ALG14: variants seen among roughly 807,000 people sequenced by gnomAD.
ALG14 encodes UDP-N-acetylglucosamine transferase subunit ALG14.
Under a neutral mutation model 22.8 loss-of-function variants are expected in ALG14, and 17 were observed. That is an observed-to-expected ratio of 0.75 (90% CI 0.51 to 1.12). The LOEUF is 1.12. ALG14 is among the 50% of genes most tolerant of loss of function. ALG14 has a pLI of 0.00. For missense variants in ALG14, 288 were observed against 271.8 expected (o/e 1.06, Z -0.42); for synonymous variants, 89 against 103.7 (o/e 0.86, Z 0.86).
At chr1:95,042,626 T>C (rs1674416365) in intron 2 of ALG14, among the ~76,000 whole-genome samples, 1 of 152,214 alleles carries the variant, frequency 6.6e-6, no homozygotes, top group Admixed American at 6.5e-5. Flanking sequence ...GGAGGGTACA[T>C]GAGGAATCCA....
In ALG14 at chr1:94,976,575, C is replaced by G. The variant is rs1480717518; in HGVS notation, c.*6501G>C. The stretch of plus-strand genomic sequence containing the variant: ...GGGCTGGTGGTGCACTCCTGAAATC[C>G]CAGCTAGTCAGGCGGCTGAGGCACG... On this transcript the variant is annotated 3_prime_UTR_variant, in exon 4 of 4. Coordinates refer to ENST00000370205, the MANE Select transcript of ALG14 (RefSeq NM_144988.4). The G allele has an allele frequency of 6.6e-6, 1 of 152,036 alleles. No individual in the cohort carries two copies. Among genetic ancestry groups the G allele is most frequent in the Non-Finnish European group, 1.5e-5 (1 of 68,058 alleles). The allele number at this position is 152,036 out of a possible 1,614,324, so 9.4% of individuals were successfully genotyped here. A position where few individuals can be genotyped will look rare whatever the true frequency, so the allele number is the denominator to read the frequency against.
In ALG14 at chr1:94,977,124, C is replaced by T. The variant is rs951714265; in HGVS notation, c.*5952G>A. On this transcript the variant is annotated 3_prime_UTR_variant, in exon 4 of 4. Coordinates refer to ENST00000370205, the MANE Select transcript of ALG14 (RefSeq NM_144988.4). ...ACAGAGATAATGTATTGTTTTAAGC[C>T]AATATATGTGTGGCAATTTTTTACA... 6.6e-6 allele frequency: 1 copy of T among 152,132 alleles called. No individual in the cohort carries two copies. The highest frequency in any genetic ancestry group is 6.5e-5 in the Admixed American group (1 of 15,272). 9.4% of individuals were successfully genotyped at this position (152,132 alleles called of 1,614,324 possible).
At chr1:95,015,178 G>A (rs1167247836) in intron 3 of ALG14, among the ~76,000 whole-genome samples, 2 of 152,154 alleles carry the variant, frequency 1.3e-5, no homozygotes, top group Non-Finnish European at 2.9e-5. Flanking sequence ...AGGGATCAGA[G>A]GGTGTTAGCT....
chr1:95,006,385 A>T (rs1042646645), intron 3 of ALG14, among the ~76,000 whole-genome samples: 1 of 147,576 alleles, frequency 6.8e-6, no homozygotes, highest in African/African-American at 2.7e-5. Flanking sequence ...AGGAAAAGGC[A>T]TGATATAAAA....
rs4307580 is a variant in ALG14, at chr1:95,000,365, G to A, written c.421-17059C>T. Among the ~76,000 whole-genome samples, 1,336 of 151,332 alleles carry A rather than the reference G, an allele frequency of 8.8e-3. 62 individuals carry two copies. Among genetic ancestry groups the A allele is most frequent in the Admixed American group, 0.077 (1,164 of 15,172 alleles). On this transcript the variant is annotated intron_variant, in intron 3 of 3. Coordinates refer to ENST00000370205, the MANE Select transcript of ALG14 (RefSeq NM_144988.4). Reference sequence around the variant, plus strand: ...AGCCTGGGCAACAGGGTGAGATCTTGTCTCCATAAAAAATAAAAAAAAAAT... The same window carrying A: ...AGCCTGGGCAACAGGGTGAGATCTTATCTCCATAAAAAATAAAAAAAAAAT...
intron 2 of ALG14, among the ~76,000 whole-genome samples, chr1:95,029,436 C>A (rs757410832): frequency 6.6e-6 from 1 of 152,160 alleles, no homozygotes; most frequent in African/African-American, 2.4e-5. Flanking sequence ...CACAGATCAA[C>A]CCTATTTGAT....
chr1:95,044,192 C>A (rs1357898545), intron 2 of ALG14, among the ~76,000 whole-genome samples: 4 of 152,102 alleles, frequency 2.6e-5, no homozygotes, highest in African/African-American at 9.7e-5. Flanking sequence ...TACTCCTGGC[C>A]CTCCTGATGC....
At chr1:95,010,682 G>A (rs1377414558) in intron 3 of ALG14, among the ~76,000 whole-genome samples, 1 of 152,066 alleles carries the variant, frequency 6.6e-6, no homozygotes, top group Non-Finnish European at 1.5e-5. Context: ...TATTAAAAAA[G>A]AAAGAAGCTA....
intron 3 of ALG14, among the ~76,000 whole-genome samples, chr1:95,024,329 C>T (rs1673752626): frequency 6.6e-6 from 1 of 152,146 alleles, no homozygotes; most frequent in African/African-American, 2.4e-5. Context: ...TCAAGTCTAC[C>T]TGTTGTTTCT....
chr1:95,043,629 C>T (rs577084768), intron 2 of ALG14, among the ~76,000 whole-genome samples: 1 of 152,078 alleles, frequency 6.6e-6, no homozygotes, highest in Non-Finnish European at 1.5e-5. Flanking sequence ...AGTGACATTG[C>T]AGAGGAAAGA....
intron 2 of ALG14, among the ~76,000 whole-genome samples, chr1:95,029,149 T>A (rs1192202930): frequency 2.0e-5 from 3 of 152,122 alleles, no homozygotes; most frequent in Admixed American, 2.0e-4. Flanking sequence ...GTGGCTGGGG[T>A]TGTAGTCATC....
At chr1:95,041,055 T>C (rs1674360353) in intron 2 of ALG14, among the ~76,000 whole-genome samples, 1 of 152,252 alleles carries the variant, frequency 6.6e-6, no homozygotes, top group Admixed American at 6.5e-5. Context: ...AAAGCATGTA[T>C]ATATCTACCT....
intron 3 of ALG14, among the ~76,000 whole-genome samples, chr1:94,989,958 C>T (rs1171913530): frequency 2.6e-5 from 4 of 152,128 alleles, no homozygotes; most frequent in African/African-American, 9.7e-5. Context: ...TCAGACAGGG[C>T]TAAAAGCACT....
chr1:95,063,444 T>C (rs1675239195), intron 2 of ALG14, among the ~76,000 whole-genome samples: 1 of 152,224 alleles, frequency 6.6e-6, no homozygotes, highest in South Asian at 2.1e-4. Flanking sequence ...TTTATGTCTT[T>C]AATCCACCTT....
At chr1:95,061,306 T>C (rs192773540) in intron 2 of ALG14, among the ~76,000 whole-genome samples, 1 of 152,316 alleles carries the variant, frequency 6.6e-6, no homozygotes, top group East Asian at 1.9e-4. Flanking sequence ...CGAAATCACT[T>C]TGGCTTATTT....
At chr1:95,051,662 G>A (rs954632649) in intron 2 of ALG14, among the ~76,000 whole-genome samples, 1 of 152,074 alleles carries the variant, frequency 6.6e-6, no homozygotes, top group African/African-American at 2.4e-5. Flanking sequence ...GATCCTACTC[G>A]CCTGCTTCCT....
At chr1:95,045,194 T>G (rs1340916232) in intron 2 of ALG14, among the ~76,000 whole-genome samples, 1 of 152,178 alleles carries the variant, frequency 6.6e-6, no homozygotes, top group South Asian at 2.1e-4. Context: ...TACTTGATAG[T>G]CTTTTGTTGA....
chr1:95,027,082 A>G, intron 3 of ALG14, 47 bp downstream of exon 3: 1 of 1,605,948 alleles, frequency 6.2e-7, no homozygotes, highest in Non-Finnish European at 8.5e-7. Flanking sequence ...CTAACGAAAG[A>G]TCTACAGGGA....
chr1:95,055,828 T>TAAAAAAA (rs35131311), intron 2 of ALG14, among the ~76,000 whole-genome samples: 3 of 33,052 alleles, frequency 9.1e-5, no homozygotes, highest in South Asian at 2.9e-3. Flanking sequence ...CCGTCTCTAC[T>TAAAAAAA]AAAAAAAAAA....
Sources: allele counts gnomAD v4.1 joint callset (sites outside exome capture counted in the v4.1 genomes callset), GRCh38; gene constraint gnomAD v4.1.1; transcripts MANE v1.5; gene names NCBI Gene and HGNC (gene_info 2026-07-23, HGNC 2026-07-21).